Variants in SNX29 observed in about 807,000 individuals in gnomAD.
SNX29 encodes the protein sorting nexin 29, also known as sorting nexin-29.
A neutral mutation model predicts 102.1 loss-of-function variants in SNX29; 78 were observed. The ratio of observed to expected loss-of-function variants is 0.76; its 90% CI spans 0.64 to 0.92. The LOEUF is 0.92. SNX29 is among the 40% of genes least tolerant of loss of function. The pLI is 0.00. For missense variants in SNX29, 1,280 were observed against 1,061.7 expected, an observed-to-expected ratio of 1.21 and a Z score of -2.86; for synonymous variants, 580 against 414.5, an observed-to-expected ratio of 1.40 and a Z score of -4.85.
At chr16:12,445,210 A>T (rs4781241) in intron 18 of SNX29, among the ~76,000 whole-genome samples, 151,482 of 152,234 alleles carry the variant, frequency 1, 75,367 homozygotes, top group Middle Eastern at 1. Context: ...TCCATTCATT[A>T]ATTTAATGTC....
At chr16:12,461,263 T>A (rs2086765369) in intron 18 of SNX29, among the ~76,000 whole-genome samples, 1 of 152,180 alleles carries the variant, frequency 6.6e-6, no homozygotes, top group South Asian at 2.1e-4. Context: ...GTCTGGTGCC[T>A]AGTAGGTGCT....
chr16:12,541,464 G>C (rs2077336952), intron 20 of SNX29, among the ~76,000 whole-genome samples: 2 of 152,170 alleles, frequency 1.3e-5, no homozygotes, highest in Admixed American at 1.3e-4. Context: ...CTTAGTGCTT[G>C]ATGGAGCCAG....
At chr16:12,247,690 T>A (rs192945248) in intron 14 of SNX29, among the ~76,000 whole-genome samples, 49 of 152,304 alleles carry the variant, frequency 3.2e-4, no homozygotes, top group African/African-American at 1.2e-3. Context: ...ATTTTCAGCC[T>A]CAAGGTTTAA....
At chr16:12,530,446 C>A (rs1452757484) in intron 20 of SNX29, among the ~76,000 whole-genome samples, 3 of 152,168 alleles carry the variant, frequency 2.0e-5, no homozygotes, top group Admixed American at 6.5e-5. Flanking sequence ...GCACACCTAC[C>A]CTTGCACTCA....
At chr16:12,082,348 G>A (rs999636660) in intron 11 of SNX29, among the ~76,000 whole-genome samples, 13 of 152,148 alleles carry the variant, frequency 8.5e-5, no homozygotes, top group Non-Finnish European at 5.9e-5. Flanking sequence ...CCGGGGCTGA[G>A]GTCCCAGCAT....
intron 18 of SNX29, among the ~76,000 whole-genome samples, chr16:12,446,547 G>C (rs1597405739): frequency 6.6e-6 from 1 of 152,212 alleles, no homozygotes; most frequent in South Asian, 2.1e-4. Flanking sequence ...TGAATAGAGA[G>C]GAGTCAGAGG....
At chr16:12,369,601 T>C (rs1437093307) in intron 16 of SNX29, among the ~76,000 whole-genome samples, 1 of 152,222 alleles carries the variant, frequency 6.6e-6, no homozygotes, top group Non-Finnish European at 1.5e-5. Context: ...ATCCTAAAAA[T>C]GTGGACCCTC....
At chr16:12,361,587 G>A (rs570946398) in intron 16 of SNX29, among the ~76,000 whole-genome samples, 1 of 152,250 alleles carries the variant, frequency 6.6e-6, no homozygotes, top group South Asian at 2.1e-4. Flanking sequence ...AGACAAAGCT[G>A]AGACTCAGAA....
intron 15 of SNX29, among the ~76,000 whole-genome samples, chr16:12,305,870 T>C (rs1320374737): frequency 6.6e-6 from 1 of 152,224 alleles, no homozygotes; most frequent in Non-Finnish European, 1.5e-5. Flanking sequence ...CGACGAGCTG[T>C]AACCTGTTCG....
chr16:12,250,566 C>T (rs550787121), intron 14 of SNX29, among the ~76,000 whole-genome samples: 1 of 152,290 alleles, frequency 6.6e-6, no homozygotes, highest in African/African-American at 2.4e-5. Context: ...GGTACTGGCT[C>T]GAAGCACAAT....
intron 18 of SNX29, among the ~76,000 whole-genome samples, chr16:12,420,568 G>A (rs555297367): frequency 2.0e-5 from 3 of 152,272 alleles, no homozygotes; most frequent in East Asian, 3.9e-4. Flanking sequence ...TGAAACCCGA[G>A]TTCACACCTG....
At chr16:12,169,741 A>C (rs1394638660) in intron 13 of SNX29, among the ~76,000 whole-genome samples, 1 of 152,022 alleles carries the variant, frequency 6.6e-6, no homozygotes, top group Non-Finnish European at 1.5e-5. Flanking sequence ...TGTGCCTGTA[A>C]TGCCAGCTAC....
intron 3 of SNX29, among the ~76,000 whole-genome samples, chr16:12,008,494 C>G (rs1195819995): frequency 6.6e-6 from 1 of 151,772 alleles, no homozygotes; most frequent in Non-Finnish European, 1.5e-5. Context: ...GACCTGAACT[C>G]CCGACCTCAG....
intron 14 of SNX29, among the ~76,000 whole-genome samples, chr16:12,252,628 C>T (rs897149654): frequency 4.6e-5 from 7 of 152,240 alleles, no homozygotes; most frequent in African/African-American, 9.6e-5. Flanking sequence ...TGCCCTTTCT[C>T]GCTCCTGTCT....
chr16:12,536,424 G>A (rs2077082916), intron 20 of SNX29, among the ~76,000 whole-genome samples: 2 of 152,008 alleles, frequency 1.3e-5, no homozygotes, highest in South Asian at 2.1e-4. Flanking sequence ...TCAGTAAGGA[G>A]GGCGGCAGTT....
intron 14 of SNX29, among the ~76,000 whole-genome samples, chr16:12,235,066 C>G (rs1184757566): frequency 1.3e-5 from 2 of 152,132 alleles, no homozygotes; most frequent in African/African-American, 2.4e-5. Flanking sequence ...GAATCTGTCT[C>G]TGTCCTGCCC....
chr16:12,286,248 T>C (rs1364426700), intron 15 of SNX29, among the ~76,000 whole-genome samples: 1 of 151,906 alleles, frequency 6.6e-6, no homozygotes, highest in Non-Finnish European at 1.5e-5. Context: ...GTGTCTCCTA[T>C]ATATCAGTGA....
At chr16:12,534,696 C>T (rs1321838904) in intron 20 of SNX29, among the ~76,000 whole-genome samples, 2 of 152,210 alleles carry the variant, frequency 1.3e-5, no homozygotes, top group East Asian at 1.9e-4. Flanking sequence ...TTCTGCTTTT[C>T]TTGGCGTTGC....
intron 7 of SNX29, among the ~76,000 whole-genome samples, chr16:12,050,236 C>T (rs1018558820): frequency 2.7e-4 from 41 of 152,242 alleles, no homozygotes; most frequent in African/African-American, 8.2e-4. Flanking sequence ...GAGGCCTCAC[C>T]GCATCACACA....
Sources: allele counts gnomAD v4.1 joint callset (sites outside exome capture counted in the v4.1 genomes callset), GRCh38; gene constraint gnomAD v4.1.1; transcripts MANE v1.5; gene names NCBI Gene and HGNC (gene_info 2026-07-23, HGNC 2026-07-21).